SNTB2: variants seen among roughly 807,000 people sequenced by gnomAD.
SNTB2 encodes beta-2-syntrophin.
SNTB2 carries 34 observed loss-of-function variants against 46.2 expected under a neutral mutation model. The ratio of observed to expected loss-of-function variants is 0.74; its 90% CI spans 0.56 to 0.98. The LOEUF is 0.98. SNTB2 is among the 50% of genes least tolerant of loss of function. The pLI is 0.00. For missense variants in SNTB2, 603 were observed against 731.4 expected, an observed-to-expected ratio of 0.82 and a Z score of 2.02; for synonymous variants, 290 against 312.6, an observed-to-expected ratio of 0.93 and a Z score of 0.76.
At chr16:69,279,682 T>C (rs1271882102) in intron 4 of SNTB2, among the ~76,000 whole-genome samples, 4 of 143,100 alleles carry the variant, frequency 2.8e-5, no homozygotes, top group Admixed American at 6.9e-5. Flanking sequence ...CCTGCCACCA[T>C]GCCCGGCTAA....
intron 1 of SNTB2, chr16:69,235,646 A>G: frequency 8.3e-7 from 1 of 1,204,528 alleles, no homozygotes; most frequent in Non-Finnish European, 1.1e-6. Flanking sequence ...GCAGAAAGAA[A>G]GAAAACAAAA....
intron 2 of SNTB2, among the ~76,000 whole-genome samples, chr16:69,252,615 A>G (rs1964737214): frequency 6.6e-6 from 1 of 152,222 alleles, no homozygotes; most frequent in African/African-American, 2.4e-5. Context: ...CACATAAGTT[A>G]TATCAAAGGC....
At chr16:69,250,372 G>A (rs1237812589) in intron 2 of SNTB2, among the ~76,000 whole-genome samples, 3 of 152,150 alleles carry the variant, frequency 2.0e-5, no homozygotes, top group African/African-American at 4.8e-5. Flanking sequence ...GATAGGCTTC[G>A]TAATGTTGGT....
intron 1 of SNTB2, among the ~76,000 whole-genome samples, chr16:69,205,264 C>T (rs1457811710): frequency 6.6e-6 from 1 of 151,758 alleles, no homozygotes; most frequent in Non-Finnish European, 1.5e-5. Context: ...ATTCTCCTGC[C>T]TCAGCCTTCC....
In SNTB2 at chr16:69,187,587, C is replaced by G. The variant is rs1293745604; in HGVS notation, c.421C>G (p.Leu141Val). The change falls in exon 1 of 7, where the codon CTC becomes GTC. Residue 141 changes from leucine to valine, a missense_variant. Leu to Val is a conservative substitution (Grantham distance 32). Coordinates refer to ENST00000336278, the MANE Select transcript of SNTB2 (RefSeq NM_006750.4). Reference sequence around the variant, plus strand: ...CGGCCGCGAGAACCGGATGCCGATCCTCATCTCCAAGATCTTCCCCGGGCT... The same window carrying G: ...CGGCCGCGAGAACCGGATGCCGATCGTCATCTCCAAGATCTTCCCCGGGCT... ...KGGRENRMPI[L>V]ISKIFPGLAA... is the part of the protein sequence containing the mutation. 6 of 1,541,354 alleles carry G rather than the reference C, an allele frequency of 3.9e-6. No homozygotes were observed. Among genetic ancestry groups the G allele is most frequent in the Non-Finnish European group, 2.6e-6 (3 of 1,148,536 alleles).
chr16:69,251,115 A>T, intron 2 of SNTB2, among the ~76,000 whole-genome samples: 1 of 149,442 alleles, frequency 6.7e-6, no homozygotes. Context: ...AGTAGCTGCG[A>T]CTACAGGCTC....
intron 1 of SNTB2, among the ~76,000 whole-genome samples, chr16:69,210,427 G>A (rs536894046): frequency 4.6e-5 from 7 of 151,914 alleles, no homozygotes; most frequent in South Asian, 2.1e-4. Flanking sequence ...TAATAGAGAC[G>A]GGGTTTCACC....
chr16:69,214,142 AT>A (rs1567399253), intron 1 of SNTB2, among the ~76,000 whole-genome samples: 6 of 95,308 alleles, frequency 6.3e-5, no homozygotes, highest in African/African-American at 4.3e-5. Context: ...TTTTTTTTTT[AT>A]TTTTTTTGAG....
chr16:69,198,878 G>T (rs1354185781), intron 1 of SNTB2, among the ~76,000 whole-genome samples: 2 of 150,368 alleles, frequency 1.3e-5, no homozygotes, highest in African/African-American at 4.9e-5. Context: ...GATTGTCAGA[G>T]ATTTAGAATA....
intron 1 of SNTB2, among the ~76,000 whole-genome samples, chr16:69,213,441 T>C (rs1964309737): frequency 6.6e-6 from 1 of 152,164 alleles, no homozygotes; most frequent in Non-Finnish European, 1.5e-5. Flanking sequence ...TTTATGTTCT[T>C]ATATACTTTG....
intron 2 of SNTB2, among the ~76,000 whole-genome samples, chr16:69,248,046 C>T (rs946774161): frequency 6.6e-6 from 1 of 152,100 alleles, no homozygotes; most frequent in Non-Finnish European, 1.5e-5. Flanking sequence ...TCACTTGAAC[C>T]CAAGAGTTCA....
intron 2 of SNTB2, among the ~76,000 whole-genome samples, chr16:69,255,831 C>T (rs531635323): frequency 9.4e-5 from 14 of 149,096 alleles, no homozygotes; most frequent in Non-Finnish European, 5.9e-5. Context: ...GAGCTGAGAC[C>T]GCGCCATTGC....
chr16:69,260,308 CA>C, intron 3 of SNTB2, 48 bp downstream of exon 3: 3 of 1,542,820 alleles, frequency 1.9e-6, no homozygotes, highest in Non-Finnish European at 2.7e-6. Flanking sequence ...CATTCAGTGC[CA>C]GGATGGTTCC....
chr16:69,258,963 C>T (rs532810242), intron 2 of SNTB2, among the ~76,000 whole-genome samples: 1 of 152,150 alleles, frequency 6.6e-6, no homozygotes, highest in South Asian at 2.1e-4. Context: ...CATTATATGG[C>T]AGTACATCTT....
chr16:69,266,033 C>G (rs1012363469), intron 3 of SNTB2, among the ~76,000 whole-genome samples: 3 of 151,972 alleles, frequency 2.0e-5, no homozygotes, highest in African/African-American at 7.3e-5. Context: ...ATAGAGCAGA[C>G]AGCATTTGAC....
intron 2 of SNTB2, among the ~76,000 whole-genome samples, chr16:69,251,160 A>G (rs1042191179): frequency 9.5e-4 from 144 of 150,844 alleles, no homozygotes; most frequent in Non-Finnish European, 1.6e-3. Context: ...TTGTATTTTT[A>G]GTAGAGACGG....
chr16:69,209,946 T>C (rs2152291756), intron 1 of SNTB2, among the ~76,000 whole-genome samples: 1 of 152,208 alleles, frequency 6.6e-6, no homozygotes, highest in East Asian at 1.9e-4. Flanking sequence ...GGCACAATCT[T>C]AGAGATCCCC....
chr16:69,252,617 A>T (rs1418495537), intron 2 of SNTB2, among the ~76,000 whole-genome samples: 1 of 152,200 alleles, frequency 6.6e-6, no homozygotes, highest in African/African-American at 2.4e-5. Flanking sequence ...CATAAGTTAT[A>T]TCAAAGGCTT....
At chr16:69,232,281 C>A (rs994063026) in intron 1 of SNTB2, among the ~76,000 whole-genome samples, 1 of 149,712 alleles carries the variant, frequency 6.7e-6, no homozygotes, top group African/African-American at 2.5e-5. Context: ...TCTCAGCTCA[C>A]TGCAACCTCT....
Sources: gnomAD v4.1 joint callset for allele counts (sites outside exome capture counted in the v4.1 genomes callset) on GRCh38, gnomAD v4.1.1 for gene constraint, MANE v1.5 for transcripts, NCBI Gene and HGNC (gene_info 2026-07-23, HGNC 2026-07-21) for gene names.